SPEN: variants seen among roughly 807,000 people sequenced by gnomAD.
SPEN encodes spen family transcriptional repressor.
SPEN carries 18 observed loss-of-function variants against 269.9 expected under a neutral mutation model. The ratio of observed to expected loss-of-function variants is 0.07; its 90% CI spans 0.05 to 0.10. The LOEUF (loss-of-function observed/expected upper bound fraction) is 0.10. SPEN is among the 10% of genes least tolerant of loss of function. The probability of loss-of-function intolerance (pLI) is 1.00; values close to 1 mark genes in which losing one functional copy is unlikely to be tolerated. For missense variants in SPEN, 3,822 were observed against 4,631.2 expected, an observed-to-expected ratio of 0.83 and a Z score of 5.07; for synonymous variants, 1,726 against 1,765.7, an observed-to-expected ratio of 0.98 and a Z score of 0.56.
intron 6 of SPEN, among the ~76,000 whole-genome samples, chr1:15,917,474 C>T (rs961082363): frequency 7.2e-5 from 11 of 152,146 alleles, no homozygotes; most frequent in African/African-American, 2.7e-4. Context: ...ACTGCAGCCT[C>T]CGCCTCCTGG....
intron 1 of SPEN, among the ~76,000 whole-genome samples, chr1:15,855,224 A>G (rs1193192546): frequency 6.6e-6 from 1 of 152,140 alleles, no homozygotes; most frequent in Non-Finnish European, 1.5e-5. Flanking sequence ...CTGTCTTTGT[A>G]TTAGATGCTG....
intron 3 of SPEN, among the ~76,000 whole-genome samples, chr1:15,897,223 T>C (rs552088843): frequency 6.6e-6 from 1 of 152,234 alleles, no homozygotes; most frequent in East Asian, 1.9e-4. Flanking sequence ...GGAGTCTCGC[T>C]TTGTCGCCCA....
chr1:15,872,153 A>G (rs1276565318), intron 1 of SPEN, among the ~76,000 whole-genome samples: 1 of 148,684 alleles, frequency 6.7e-6, no homozygotes, highest in East Asian at 2.0e-4. Flanking sequence ...CACGAGAATC[A>G]CTTGAACCTG....
intron 3 of SPEN, among the ~76,000 whole-genome samples, chr1:15,893,733 T>TA (rs1315974910): frequency 1.6e-3 from 235 of 148,274 alleles, no homozygotes; most frequent in Non-Finnish European, 2.0e-3. Flanking sequence ...CCCTGTCTCT[T>TA]AAAAAAAAAC....
At chr1:15,888,790 C>T (rs540365537) in intron 3 of SPEN, among the ~76,000 whole-genome samples, 2 of 151,938 alleles carry the variant, frequency 1.3e-5, no homozygotes, top group East Asian at 3.9e-4. Flanking sequence ...CGCCACCATG[C>T]CCAGCTAATT....
chr1:15,871,707 C>G (rs1266029461), intron 1 of SPEN, among the ~76,000 whole-genome samples: 1 of 152,046 alleles, frequency 6.6e-6, no homozygotes, highest in Non-Finnish European at 1.5e-5. Context: ...CTGTCACTTG[C>G]AAATGGACAC....
At chr1:15,862,964 T>G (rs1447738572) in intron 1 of SPEN, among the ~76,000 whole-genome samples, 2 of 152,126 alleles carry the variant, frequency 1.3e-5, no homozygotes, top group African/African-American at 4.8e-5. Flanking sequence ...GGTTTCACTG[T>G]GTTAGCCAGG....
Position 15,931,806 on chromosome 1 carries a change from A to G in SPEN, c.5566A>G (p.Asn1856Asp). The change falls in exon 11 of 15, where the codon AAT becomes GAT. Residue 1856 changes from asparagine (N) to aspartate (D), a missense_variant. By Grantham distance (23) the Asn-to-Asp change is conservative. This residue lies in a region of SPEN where 533 missense variants were observed against 618.8 expected (regional missense o/e 0.86). Coordinates refer to ENST00000375759, the MANE Select transcript of SPEN (RefSeq NM_015001.3). The surrounding 1 kb of genome is among the most constrained non-coding windows in gnomAD (Gnocchi z 4.8). ...AGACCGGGAAAAACTCAAGCGGTCC[A>G]ATTCTCCTCGGGGAGAAGCACAGAA... is the stretch of plus-strand genomic sequence containing the variant. The part of the protein sequence containing the change: ...RIDREKLKRS[N>D]SPRGEAQKLL... The G allele has an allele frequency of 1.2e-6, 2 of 1,614,228 alleles. No individual in the cohort carries two copies. The highest frequency in any genetic ancestry group is 1.7e-6 in the Non-Finnish European group (2 of 1,180,046).
intron 10 of SPEN, among the ~76,000 whole-genome samples, chr1:15,924,130 CAGTTGTGTGAGTGTAAGAGAGTGAAAGTG>C (rs1317933223): frequency 6.6e-6 from 1 of 152,120 alleles, no homozygotes; most frequent in East Asian, 1.9e-4. Context: ...ACTGTTTTCT[CAGTTGTGTGAGTGTAAGAGAGTGAAAGTG>C]AGCGTAAAAT....
chr1:15,924,608 G>T (rs915458255), intron 10 of SPEN, among the ~76,000 whole-genome samples: 1 of 152,050 alleles, frequency 6.6e-6, no homozygotes, highest in African/African-American at 2.4e-5. Context: ...TTACAGGCAC[G>T]CACCACCAGG....
intron 6 of SPEN, among the ~76,000 whole-genome samples, chr1:15,918,280 G>A (rs759735625): frequency 1.2e-4 from 19 of 152,272 alleles, no homozygotes; most frequent in Admixed American, 3.9e-4. Context: ...GCGCAATGGC[G>A]CGATCTTGGC....
chr1:15,873,243 A>G (rs773695152), intron 2 of SPEN, 107 bp downstream of exon 2: 39 of 1,422,454 alleles, frequency 2.7e-5, no homozygotes, highest in South Asian at 6.6e-5. Context: ...GGCATTCTCA[A>G]TGTTTCCTAT....
chr1:15,935,934 GAAGCTGCCAAGACACCAGATGCCA>G lies in SPEN; in HGVS notation c.9703_9726del (p.Lys3235_Ala3242del), dbSNP rs1262761530. 1.2e-6 allele frequency: 2 copies of G among 1,611,310 alleles called. No individual in the cohort carries two copies. Among genetic ancestry groups the G allele is most frequent in the Admixed American group, 3.3e-5 (2 of 59,946 alleles). Reference sequence around the variant, plus strand: ...CAAGGCCCCTCAGCAGCCAGGGAAGGAAGCTGCCAAGACACCAGATGCCAAAGCTGCCCCCACCCCCACCCCTGC... The same window carrying G: ...CAAGGCCCCTCAGCAGCCAGGGAAGGAAGCTGCCCCCACCCCCACCCCTGC... On this transcript the variant is annotated inframe_deletion, in exon 11 of 15. Transcript: ENST00000375759. The surrounding 1 kb of genome is among the most constrained non-coding windows in gnomAD (Gnocchi z 7.7).
chr1:15,852,635 G>A (rs1161235740), intron 1 of SPEN, among the ~76,000 whole-genome samples: 1 of 152,052 alleles, frequency 6.6e-6, no homozygotes, highest in Non-Finnish European at 1.5e-5. Flanking sequence ...TTGCAGACTC[G>A]TGATTGCTGG....
At chr1:15,891,845 C>T (rs1163597349) in intron 3 of SPEN, among the ~76,000 whole-genome samples, 2 of 151,220 alleles carry the variant, frequency 1.3e-5, no homozygotes, top group South Asian at 2.1e-4. Flanking sequence ...AATAAATTCA[C>T]ATATATCTCA....
At chr1:15,895,300 T>C (rs964158982) in intron 3 of SPEN, among the ~76,000 whole-genome samples, 1 of 152,182 alleles carries the variant, frequency 6.6e-6, no homozygotes, top group African/African-American at 2.4e-5. Flanking sequence ...CACTATCCAT[T>C]ATCATTAAAC....
chr1:15,904,479 T>TAAA (rs1557750239), intron 3 of SPEN, among the ~76,000 whole-genome samples: 52 of 81,096 alleles, frequency 6.4e-4, no homozygotes, highest in South Asian at 1.3e-3. Context: ...AAAAAAAAAG[T>TAAA]GAACTAAAAA....
In SPEN at chr1:15,864,642, G is replaced by T. The variant is rs1457696574; in HGVS notation, c.84-8174G>T. Among the ~76,000 whole-genome samples the T allele has an allele frequency of 5.3e-4, 67 of 127,116 alleles. 1 individual carries two copies. The Admixed American group carries it at 6.3e-3, about 12-fold the overall frequency. 83.4% of individuals were successfully genotyped at this position (127,116 alleles called of 152,430 possible). On this transcript the variant is annotated intron_variant, in intron 1 of 14. Coordinates refer to ENST00000375759, the MANE Select transcript of SPEN (RefSeq NM_015001.3). ...TTTTTTTTTTTTGAGACAAGGTCTC[G>T]CTCTGTCACCCAGTCTGGAGTTCAG...
chr1:15,893,610 G>C (rs968532719), intron 3 of SPEN, among the ~76,000 whole-genome samples: 5 of 152,132 alleles, frequency 3.3e-5, no homozygotes, highest in African/African-American at 1.2e-4. Flanking sequence ...GGAGAGTTCA[G>C]AAGCAGGAAA....
Sources: gnomAD v4.1 joint callset for allele counts (sites outside exome capture counted in the v4.1 genomes callset) on GRCh38, gnomAD v4.1.1 for gene constraint, gnomAD v4.1.1 regional missense constraint, Gnocchi (gnomAD v3.1) non-coding constraint, MANE v1.5 for transcripts, NCBI Gene and HGNC (gene_info 2026-07-23, HGNC 2026-07-21) for gene names.